KIF5C: variants seen among roughly 807,000 people sequenced by gnomAD.
The protein encoded by KIF5C is kinesin heavy chain isoform 5C.
A neutral mutation model predicts 125.2 loss-of-function variants in KIF5C; 18 were observed. The observed-to-expected ratio is 0.14, with a 90% CI of 0.10 to 0.21. The LOEUF (loss-of-function observed/expected upper bound fraction) is 0.21. KIF5C is among the 10% of genes least tolerant of loss of function. The pLI, the probability that KIF5C is intolerant of heterozygous loss-of-function variation, is 1.00. For synonymous variants in KIF5C, 405 were observed against 434.0 expected, an observed-to-expected ratio of 0.93 and a Z score of 0.83; for missense variants, 780 against 1,183.8, an observed-to-expected ratio of 0.66 and a Z score of 5.01.
chr2:148,895,849 C>G (rs1386510142), intron 1 of KIF5C, among the ~76,000 whole-genome samples: 3 of 22,930 alleles, frequency 1.3e-4, no homozygotes, highest in Non-Finnish European at 6.1e-4. Context: ...CTGTGTGACA[C>G]ACACACACAC....
intron 3 of KIF5C, among the ~76,000 whole-genome samples, chr2:148,932,730 A>G (rs185404468): frequency 1.3e-5 from 2 of 152,252 alleles, no homozygotes; most frequent in East Asian, 3.9e-4. Flanking sequence ...GGTCATCTGA[A>G]TGGTACAGGC....
intron 7 of KIF5C, among the ~76,000 whole-genome samples, chr2:148,944,762 A>G (rs1455857267): frequency 6.6e-6 from 1 of 152,166 alleles, no homozygotes; most frequent in African/African-American, 2.4e-5. Context: ...ACCATTTTCT[A>G]TTCCTAACAG....
At chr2:149,022,058 G>A (rs1487721606) in intron 25 of KIF5C, among the ~76,000 whole-genome samples, 1 of 152,080 alleles carries the variant, frequency 6.6e-6, no homozygotes, top group African/African-American at 2.4e-5. Flanking sequence ...GGTGGGAAGT[G>A]GAATGAAATG....
chr2:148,914,491 G>C (rs1681465345), intron 1 of KIF5C, among the ~76,000 whole-genome samples: 1 of 152,236 alleles, frequency 6.6e-6, no homozygotes, highest in Non-Finnish European at 1.5e-5. Flanking sequence ...CAGTGTCTGT[G>C]TGTCCACACA....
chr2:148,940,897 G>A (rs1682393538), intron 4 of KIF5C, among the ~76,000 whole-genome samples: 1 of 152,126 alleles, frequency 6.6e-6, no homozygotes, highest in Admixed American at 6.5e-5. Context: ...AATCGCCTGG[G>A]CAACTGAGAA....
chr2:149,024,464 CA>C lies in KIF5C; in HGVS notation c.*1395del, dbSNP rs1682627288. On this transcript the variant is annotated 3_prime_UTR_variant, in exon 26 of 26. Transcript: ENST00000435030. ...TTCACCACTGTAATGAAATATATGC[CA>C]GGGGAGACTTTGGGCTTTTCTCATG... 1 of 150,608 alleles carries C rather than the reference CA, an allele frequency of 6.6e-6. No homozygotes were observed. Among genetic ancestry groups the C allele is most frequent in the African/African-American group, 2.5e-5 (1 of 40,642 alleles). 9.3% of individuals were successfully genotyped at this position (150,608 alleles called of 1,614,324 possible). A position where few individuals can be genotyped will look rare whatever the true frequency, so the allele number is the denominator to read the frequency against.
intron 2 of KIF5C, among the ~76,000 whole-genome samples, chr2:148,926,595 C>T (rs564294783): frequency 6.6e-5 from 10 of 152,320 alleles, no homozygotes; most frequent in African/African-American, 2.2e-4. Flanking sequence ...TACGGCTCCC[C>T]CTCTGCCTGT....
chr2:148,994,356 C>A, intron 16 of KIF5C, 65 bp from the exon 17 acceptor site: 1 of 1,522,436 alleles, frequency 6.6e-7, no homozygotes, highest in Non-Finnish European at 8.8e-7. Flanking sequence ...TCCTACCAGA[C>A]AATTCCAGGC....
intron 1 of KIF5C, among the ~76,000 whole-genome samples, chr2:148,882,532 A>G (rs1215756477): frequency 6.6e-6 from 1 of 151,750 alleles, no homozygotes; most frequent in Non-Finnish European, 1.5e-5. Context: ...CTTACTCCTC[A>G]CCCCATATTT....
chr2:148,968,600 G>C (rs545258828), intron 11 of KIF5C, among the ~76,000 whole-genome samples: 13 of 152,196 alleles, frequency 8.5e-5, no homozygotes, highest in East Asian at 5.8e-4. Flanking sequence ...GAATGTTGTG[G>C]CCTGTTCAGG....
At chr2:148,926,139 T>C (rs142096117) in intron 2 of KIF5C, among the ~76,000 whole-genome samples, 10 of 152,352 alleles carry the variant, frequency 6.6e-5, no homozygotes, top group Admixed American at 6.5e-4. Context: ...AATTCTAATC[T>C]GAAGATGGCA....
chr2:148,938,593 C>T (rs1335103552), intron 4 of KIF5C, among the ~76,000 whole-genome samples: 1 of 152,172 alleles, frequency 6.6e-6, no homozygotes, highest in Non-Finnish European at 1.5e-5. Flanking sequence ...ATTGGCCCAG[C>T]CTACATAGGT....
At chr2:148,952,003 C>T (rs1002765385) in intron 10 of KIF5C, among the ~76,000 whole-genome samples, 3 of 152,050 alleles carry the variant, frequency 2.0e-5, no homozygotes, top group Admixed American at 6.5e-5. Context: ...ATGTTGTAGA[C>T]CTAATATATC....
chr2:148,875,456 G>A lies in KIF5C; in HGVS notation c.-162G>A. 1 of 610,304 alleles carries A rather than the reference G, an allele frequency of 1.6e-6. No homozygotes were observed. Among genetic ancestry groups the A allele is most frequent in the Non-Finnish European group, 2.9e-6 (1 of 350,510 alleles). 37.8% of individuals were successfully genotyped at this position (610,304 alleles called of 1,614,324 possible). Reference sequence around the variant, plus strand: ...CCTTCCCGGGCTCGGAGCGGCCGGGGCTGCTCAGCCGGCCGGGCTCGCGAT... The same window carrying A: ...CCTTCCCGGGCTCGGAGCGGCCGGGACTGCTCAGCCGGCCGGGCTCGCGAT... On this transcript the variant is annotated 5_prime_UTR_variant, in exon 1 of 26. Coordinates refer to ENST00000435030, the MANE Select transcript of KIF5C (RefSeq NM_004522.3).
chr2:148,875,518 C>A lies in KIF5C; in HGVS notation c.-100C>A. On this transcript the variant is annotated 5_prime_UTR_variant, in exon 1 of 26. Transcript: ENST00000435030. Reference sequence around the variant, plus strand: ...AAGCGTCGTCGGAGGCTGCAGGAGGCGGCCTAGCTGTGGGCGGTGCAGCTC... The same window carrying A: ...AAGCGTCGTCGGAGGCTGCAGGAGGAGGCCTAGCTGTGGGCGGTGCAGCTC... 1.0e-6 allele frequency: 1 copy of A among 982,082 alleles called. No homozygotes were observed. Among genetic ancestry groups the A allele is most frequent in the South Asian group, 1.5e-5 (1 of 66,188 alleles). 60.8% of individuals were successfully genotyped at this position (982,082 alleles called of 1,614,324 possible). A position where few individuals can be genotyped will look rare whatever the true frequency, so the allele number is the denominator to read the frequency against.
Position 148,998,426 on chromosome 2 carries a change from C to G in KIF5C, c.2127C>G (p.Ser709Arg). ...AGGCGCTGGAGCAGCAGATGGAGAGCCACCGGGAAGCTCACCAGAAGCAGC... is the reference window on the plus strand; with the variant it reads ...AGGCGCTGGAGCAGCAGATGGAGAGGCACCGGGAAGCTCACCAGAAGCAGC... ...MKKALEQQME[S>R]HREAHQKQLS... The change falls in exon 19 of 26, where the codon AGC (serine) becomes AGG (arginine). Residue 709 changes from serine (S) to arginine (R), a missense_variant. Ser to Arg is a moderately radical substitution (Grantham distance 110, BLOSUM62 -1). This residue lies in a region of KIF5C where 573 missense variants were observed against 742.6 expected (regional missense o/e 0.77). Transcript: ENST00000435030. 6.4e-7 allele frequency: 1 copy of G among 1,565,858 alleles called. No homozygotes were observed. The highest frequency in any genetic ancestry group is 1.2e-5 in the South Asian group (1 of 84,752).
At chr2:148,906,576 A>G (rs1361263445) in intron 1 of KIF5C, among the ~76,000 whole-genome samples, 1 of 151,980 alleles carries the variant, frequency 6.6e-6, no homozygotes, top group African/African-American at 2.4e-5. Flanking sequence ...TAAAATAAAA[A>G]TAATGAAGTC....
At chr2:148,961,548 T>C (rs1253893010) in intron 10 of KIF5C, among the ~76,000 whole-genome samples, 1 of 152,196 alleles carries the variant, frequency 6.6e-6, no homozygotes, top group Non-Finnish European at 1.5e-5. Flanking sequence ...CCCAAATTCA[T>C]AAATGTTAAT....
chr2:149,021,254 G>T (rs1021635172), intron 25 of KIF5C, among the ~76,000 whole-genome samples: 1 of 152,056 alleles, frequency 6.6e-6, no homozygotes, highest in Non-Finnish European at 1.5e-5. Flanking sequence ...GTAGAGATGG[G>T]GTTTCACCAT....
Sources: allele counts gnomAD v4.1 joint callset (sites outside exome capture counted in the v4.1 genomes callset), GRCh38; gene constraint gnomAD v4.1.1; regional missense constraint gnomAD v4.1.1; transcripts MANE v1.5; gene names NCBI Gene and HGNC (gene_info 2026-07-23, HGNC 2026-07-21).